CD33: variants seen among roughly 807,000 people sequenced by gnomAD.
The protein encoded by CD33 is CD33 molecule, also known as myeloid cell surface antigen CD33.
A neutral mutation model predicts 31.4 loss-of-function variants in CD33; 25 were observed. That is an observed-to-expected ratio of 0.80 (90% confidence interval 0.58 to 1.11). The LOEUF (loss-of-function observed/expected upper bound fraction) is 1.11. Ranked by LOEUF, CD33 falls within the 50% of genes most tolerant of loss-of-function variation. The probability of loss-of-function intolerance (pLI) is 0.00; values close to 1 mark genes in which losing one functional copy is unlikely to be tolerated. For synonymous variants in CD33, 176 were observed against 180.6 expected, an observed-to-expected ratio of 0.97 and a Z score of 0.20; for missense variants, 407 against 448.1, an observed-to-expected ratio of 0.91 and a Z score of 0.83.
chr19:51,224,101 C>T (rs1300947700), upstream of CD33, among the ~76,000 whole-genome samples: 1 of 151,672 alleles, frequency 6.6e-6, no homozygotes, highest in Admixed American at 6.6e-5. Context: ...GAGTTTCTGG[C>T]CGAGTTAAGT....
the CD33 span, among the ~76,000 whole-genome samples, chr19:51,217,889 C>T: frequency 1.3e-5 from 2 of 152,194 alleles, no homozygotes; most frequent in African/African-American, 4.8e-5. Flanking sequence ...TTTTTCATGG[C>T]TGGGTAGTAT....
At chr19:51,233,710 T>C (rs151124373) in intron 4 of CD33, among the ~76,000 whole-genome samples, 102 of 152,324 alleles carry the variant, frequency 6.7e-4, no homozygotes, top group African/African-American at 2.4e-3. Context: ...GTAAGGAATG[T>C]AGGTATCTGC....
At chr19:51,211,478 T>G in the CD33 span, 4 of 1,565,176 alleles carry the variant, frequency 2.6e-6, no homozygotes, top group African/African-American at 5.5e-5. Context: ...AACTGCTCCC[T>G]GAGCATCGTA....
upstream of CD33, among the ~76,000 whole-genome samples, chr19:51,221,021 A>G (rs1293201251): frequency 6.6e-6 from 1 of 152,224 alleles, no homozygotes; most frequent in African/African-American, 2.4e-5. Flanking sequence ...AGCAACAACA[A>G]CAACAAAAGG....
At chr19:51,222,787 C>A (rs1239302686), upstream of CD33, among the ~76,000 whole-genome samples, 9 of 152,164 alleles carry the variant, frequency 5.9e-5, no homozygotes, top group Non-Finnish European at 1.2e-4. Context: ...AAATCTCATG[C>A]AAATGTGAAC....
the CD33 span, among the ~76,000 whole-genome samples, chr19:51,219,032 T>C: frequency 3.3e-5 from 5 of 150,858 alleles, no homozygotes; most frequent in Non-Finnish European, 7.5e-5. Context: ...ATATGAATTT[T>C]AGAATTTTTT....
the CD33 span, chr19:51,211,665 G>C: frequency 2.8e-5 from 31 of 1,091,922 alleles, no homozygotes; most frequent in Non-Finnish European, 3.7e-5. Context: ...TGGGACCCAT[G>C]TCCTGGAAGG....
At chr19:51,225,000 A>T (rs1269341995), upstream of CD33, 3 of 1,274,664 alleles carry the variant, frequency 2.4e-6, no homozygotes, top group Non-Finnish European at 3.3e-6. Flanking sequence ...TTCCTCTTCC[A>T]TGCAGGGCTG....
At chr19:51,215,627 C>T in the CD33 span, among the ~76,000 whole-genome samples, 1 of 152,144 alleles carries the variant, frequency 6.6e-6, no homozygotes, top group Non-Finnish European at 1.5e-5. Flanking sequence ...CCCAGGATAG[C>T]TGCACTCAGC....
chr19:51,225,115 A>G lies in CD33; in HGVS notation c.-4A>G, dbSNP rs762914517. The stretch of plus-strand genomic sequence containing the variant: ...AGGAAGCCCTGGAAGCTGCTTCCTC[A>G]GACATGCCGCTGCTGCTACTGCTGC... On this transcript the variant is annotated 5_prime_UTR_variant, in exon 1 of 7. Transcript: ENST00000262262. The G allele has an allele frequency of 3.7e-6, 6 of 1,613,716 alleles. No homozygotes were observed. Among genetic ancestry groups the G allele is most frequent in the African/African-American group, 1.3e-5 (1 of 74,894 alleles).
the CD33 span, chr19:51,212,183 AG>A: frequency 2.4e-6 from 1 of 410,372 alleles, no homozygotes; most frequent in South Asian, 2.1e-5. Context: ...GGCCTGGCTG[AG>A]TAGAAGACCT....
chr19:51,235,576 C>A lies in CD33; in HGVS notation c.843-19C>A. On this transcript the variant is annotated intron_variant, in intron 5 of 6. Coordinates refer to ENST00000262262, the MANE Select transcript of CD33 (RefSeq NM_001772.4). Reference sequence around the variant, plus strand: ...AGCCTGAGAAAACCAGGCTCAAAGACCCTGGTGTCTCCCATCAGAGTGAAG... The same window carrying A: ...AGCCTGAGAAAACCAGGCTCAAAGAACCTGGTGTCTCCCATCAGAGTGAAG... 6.2e-7 allele frequency: 1 copy of A among 1,610,144 alleles called. No individual in the cohort carries two copies. Among genetic ancestry groups the A allele is most frequent in the South Asian group, 1.1e-5 (1 of 90,374 alleles).
Position 51,239,779 on chromosome 19 carries a change from A to C in CD33, c.*91A>C. ...CTGATTCTTGGAGATTTAACACCCC[A>C]CAGGCAATGGGTTTATAGACATTAT... is the stretch of plus-strand genomic sequence containing the variant. On this transcript the variant is annotated 3_prime_UTR_variant, in exon 7 of 7. Coordinates refer to ENST00000262262, the MANE Select transcript of CD33 (RefSeq NM_001772.4). 1.0e-6 allele frequency: 1 copy of C among 1,002,668 alleles called. No individual in the cohort carries two copies. Among genetic ancestry groups the C allele is most frequent in the East Asian group, 2.5e-5 (1 of 39,590 alleles). 62.1% of individuals were successfully genotyped at this position (1,002,668 alleles called of 1,614,324 possible).
At chr19:51,213,106 C>T in the CD33 span, among the ~76,000 whole-genome samples, 2 of 152,186 alleles carry the variant, frequency 1.3e-5, no homozygotes, top group South Asian at 2.1e-4. Flanking sequence ...AAATTTTTCT[C>T]AATCAAGAGT....
the CD33 span, among the ~76,000 whole-genome samples, chr19:51,219,406 C>A: frequency 3.0e-3 from 453 of 152,284 alleles, no homozygotes; most frequent in African/African-American, 0.01. Flanking sequence ...TTTATTAAAT[C>A]TAGGAGTCTT....
At chr19:51,236,385 G>A (rs1599875676) in intron 6 of CD33, 1 of 167,364 alleles carries the variant, frequency 6.0e-6, no homozygotes, top group East Asian at 1.6e-4. Context: ...CAGACTCTGG[G>A]GTATAGGAGT....
At chr19:51,230,069 T>G (rs927437206) in intron 4 of CD33, among the ~76,000 whole-genome samples, 9 of 152,194 alleles carry the variant, frequency 5.9e-5, no homozygotes, top group Admixed American at 3.3e-4. Flanking sequence ...ATTTTATTTC[T>G]ATTTTTATTT....
chr19:51,211,642 A>G, the CD33 span: 5 of 1,301,332 alleles, frequency 3.8e-6, no homozygotes, highest in Non-Finnish European at 5.3e-6. Flanking sequence ...GGACCTCAGG[A>G]CAGGGCTTGG....
At chr19:51,235,521 C>T in intron 5 of CD33, 74 bp from the exon 6 acceptor site, 1 of 1,521,506 alleles carries the variant, frequency 6.6e-7, no homozygotes, top group African/African-American at 1.4e-5. Flanking sequence ...GCCAAAGTCC[C>T]TCATTCCAGG....
Sources: allele counts gnomAD v4.1 joint callset (sites outside exome capture counted in the v4.1 genomes callset), GRCh38; gene constraint gnomAD v4.1.1; transcripts MANE v1.5; gene names NCBI Gene and HGNC (gene_info 2026-07-23, HGNC 2026-07-21).